DDHD1: variants seen among roughly 807,000 people sequenced by gnomAD.
The protein encoded by DDHD1 is DDHD domain containing 1, also known as phospholipase DDHD1.
In DDHD1, 49 loss-of-function variants were observed where a neutral mutation model predicts 96.4. The ratio of observed to expected loss-of-function variants is 0.51; its 90% confidence interval spans 0.40 to 0.64. The LOEUF is 0.64. Ranked by LOEUF, DDHD1 falls within the 30% of genes least tolerant of loss-of-function variation. The pLI, the probability that DDHD1 is intolerant of heterozygous loss-of-function variation, is 0.00. For missense variants in DDHD1, 1,106 were observed against 1,161.2 expected (o/e 0.95, Z 0.69); for synonymous variants, 442 against 446.5 (o/e 0.99, Z 0.13).
At chr14:53,127,873 A>T (rs2139825509) in intron 1 of DDHD1, among the ~76,000 whole-genome samples, 1 of 152,330 alleles carries the variant, frequency 6.6e-6, no homozygotes, top group African/African-American at 2.4e-5. Context: ...ACCAAGACAG[A>T]ATAAGAAAGG....
At chr14:53,064,555 A>G (rs1883860833) in intron 6 of DDHD1, among the ~76,000 whole-genome samples, 1 of 152,062 alleles carries the variant, frequency 6.6e-6, no homozygotes, top group South Asian at 2.1e-4. Context: ...ATATATGGGT[A>G]AAAAAACAAG....
At chr14:53,080,455 G>A (rs979711814) in intron 4 of DDHD1, among the ~76,000 whole-genome samples, 10 of 152,088 alleles carry the variant, frequency 6.6e-5, no homozygotes, top group Admixed American at 5.9e-4. Flanking sequence ...CTATAAGGTG[G>A]TTGAACATAT....
At chr14:53,059,467 G>C (rs921635168) in intron 8 of DDHD1, among the ~76,000 whole-genome samples, 1 of 151,412 alleles carries the variant, frequency 6.6e-6, no homozygotes, top group Non-Finnish European at 1.5e-5. Flanking sequence ...GGATAGTCTC[G>C]ATCTCCTGAC....
rs141324026 is a variant in DDHD1, at chr14:53,123,225, C to A, written c.839-19369G>T. On this transcript the variant is annotated intron_variant, in intron 1 of 12. Transcript: ENST00000673822. ...GCAGTGGTGCGATCTCAGCTCATTG[C>A]AACCTCCGCCTCCAGAGTTCTAGTG... 3.8e-3 allele frequency among the ~76,000 whole-genome samples: 579 copies of A among 151,408 alleles called. 3 individuals carry two copies. The highest frequency in any genetic ancestry group is 0.013 in the African/African-American group (554 of 41,256).
In DDHD1 at chr14:53,094,187, A is replaced by G. The variant is rs577811462; in HGVS notation, c.1013-743T>C. ...GCAAGACTCCGTCTAAAAAAAAAAA[A>G]GAAAAAAATTTCACTAAGTACTAGA... On this transcript the variant is annotated intron_variant, in intron 2 of 12. Transcript: ENST00000673822. Among the ~76,000 whole-genome samples, 304 of 152,192 alleles carry G rather than the reference A, an allele frequency of 2.0e-3. 1 individual carries two copies. The highest frequency in any genetic ancestry group is 6.7e-3 in the African/African-American group (278 of 41,528).
intron 6 of DDHD1, among the ~76,000 whole-genome samples, chr14:53,067,305 C>T (rs989723412): frequency 6.6e-6 from 1 of 151,726 alleles, no homozygotes; most frequent in African/African-American, 2.4e-5. Flanking sequence ...ACTACAGGTG[C>T]CTGTCACCAT....
intron 1 of DDHD1, among the ~76,000 whole-genome samples, chr14:53,122,131 T>A (rs182198435): frequency 5.9e-5 from 9 of 152,320 alleles, no homozygotes; most frequent in Non-Finnish European, 8.8e-5. Flanking sequence ...GGTTCCAGTG[T>A]GCTTACCTTA....
chr14:53,073,576 G>T (rs1324962537), intron 5 of DDHD1, among the ~76,000 whole-genome samples, 165 bp downstream of exon 5: 3 of 151,962 alleles, frequency 2.0e-5, no homozygotes, highest in African/African-American at 7.2e-5. Context: ...AGAAATCAAT[G>T]GATTTTATTT....
intron 4 of DDHD1, among the ~76,000 whole-genome samples, chr14:53,077,761 C>A (rs1435283398): frequency 6.6e-6 from 1 of 151,616 alleles, no homozygotes; most frequent in East Asian, 1.9e-4. Flanking sequence ...ACGTTCATCA[C>A]CCCAGAAAGA....
At chr14:53,072,864 A>C (rs901595702) in intron 5 of DDHD1, among the ~76,000 whole-genome samples, 161 bp from the exon 6 acceptor site, 2 of 151,922 alleles carry the variant, frequency 1.3e-5, no homozygotes, top group African/African-American at 2.4e-5. Context: ...CTTCCTATAA[A>C]ATACTTCAAG....
intron 8 of DDHD1, among the ~76,000 whole-genome samples, chr14:53,060,009 T>TA (rs138401105): frequency 0.034 from 5,101 of 151,822 alleles, 295 homozygotes; most frequent in African/African-American, 0.11. Flanking sequence ...ATGGTATATA[T>TA]TTTTTTTAAA....
intron 2 of DDHD1, chr14:53,096,077 A>AG: frequency 1.1e-6 from 1 of 927,146 alleles, no homozygotes. Flanking sequence ...ATAAGCCAGG[A>AG]ATATAACTAC....
rs779929490 is a variant in DDHD1 at position 53,051,942 on chromosome 14, C to A, written c.2438-15G>T. The A allele has an allele frequency of 1.4e-5, 22 of 1,547,198 alleles. No homozygotes were observed. The highest frequency in any genetic ancestry group is 1.7e-5 in the Non-Finnish European group (19 of 1,137,226). ...AAGTCTGAAATCTGTGAAAAAAAAA[C>A]ACAAGATGCTGTAAAGGGTTGGCTG... On this transcript the variant is annotated splice_polypyrimidine_tract_variant and intron_variant, in intron 11 of 12. Transcript: ENST00000673822.
chr14:53,071,240 A>C (rs1247878075), intron 6 of DDHD1, among the ~76,000 whole-genome samples: 2 of 152,142 alleles, frequency 1.3e-5, no homozygotes, highest in Non-Finnish European at 2.9e-5. Context: ...AATTGGCAAA[A>C]AATAATTTCT....
In DDHD1 at chr14:53,152,819, C is replaced by G. The variant is rs758060048; in HGVS notation, c.280G>C (p.Ala94Pro). The G allele has an allele frequency of 3.1e-5, 50 of 1,611,130 alleles. No individual in the cohort carries two copies. Among genetic ancestry groups the G allele is most frequent in the African/African-American group, 9.4e-5 (7 of 74,546 alleles). ...LSDENYDFSS[A>P]ESGSSLRYYS... The stretch of plus-strand genomic sequence containing the variant: ...TAGCGCAGCGAGGAGCCCGACTCGG[C>G]GGAGCTGAAGTCATAGTTCTCGTCA... The change falls in exon 1 of 13, where the codon GCC (alanine) becomes CCC (proline). Residue 94 changes from alanine (A) to proline (P), a missense_variant. Physicochemically the swap from Ala to Pro is conservative, Grantham distance 27 (BLOSUM62 -1). This residue lies in a region of DDHD1 where 456 missense variants were observed against 402.4 expected (regional missense o/e 1.13). Coordinates refer to ENST00000673822, the MANE Select transcript of DDHD1 (RefSeq NM_001160148.2).
chr14:53,103,548 A>C, intron 2 of DDHD1, 135 bp downstream of exon 2: 4 of 692,308 alleles, frequency 5.8e-6, no homozygotes. Context: ...TTCTAGAATA[A>C]TCAAATGTTT....
intron 1 of DDHD1, among the ~76,000 whole-genome samples, chr14:53,117,949 G>A (rs1180743119): frequency 2.0e-5 from 3 of 152,198 alleles, no homozygotes; most frequent in Non-Finnish European, 4.4e-5. Context: ...CTGGGACGAA[G>A]CTTCCAGAGG....
At chr14:53,069,915 C>T (rs887257107) in intron 6 of DDHD1, among the ~76,000 whole-genome samples, 1 of 152,190 alleles carries the variant, frequency 6.6e-6, no homozygotes, top group South Asian at 2.1e-4. Flanking sequence ...AAGACTAATT[C>T]AAAGGACTGG....
At chr14:53,121,913 C>T (rs1307474473) in intron 1 of DDHD1, among the ~76,000 whole-genome samples, 1 of 75,164 alleles carries the variant, frequency 1.3e-5, no homozygotes, top group Non-Finnish European at 2.6e-5. Flanking sequence ...CGCATGTATC[C>T]CAGAACGTTA....
Sources: allele counts gnomAD v4.1 joint callset (sites outside exome capture counted in the v4.1 genomes callset), GRCh38; gene constraint gnomAD v4.1.1; regional missense constraint gnomAD v4.1.1; transcripts MANE v1.5; gene names NCBI Gene and HGNC (gene_info 2026-07-23, HGNC 2026-07-21).